The following TPPP variants were observed in gnomAD, a reference collection of about 807,000 sequenced individuals.
The protein encoded by TPPP is tubulin polymerization promoting protein, also known as tubulin polymerization-promoting protein.
In TPPP, 6 loss-of-function variants were observed where a neutral mutation model predicts 15.5. The observed-to-expected ratio is 0.39, with a 90% CI of 0.21 to 0.77. The LOEUF (loss-of-function observed/expected upper bound fraction) is 0.77. TPPP is among the 30% of genes least tolerant of loss of function. The probability of loss-of-function intolerance (pLI) is 0.42; values close to 1 mark genes in which losing one functional copy is unlikely to be tolerated. For synonymous variants in TPPP, 146 were observed against 133.9 expected (o/e 1.09, Z -0.63); for missense variants, 269 against 307.2 (o/e 0.88, Z 0.93).
At chr5:692,770 C>T in intron 1 of TPPP, 8 of 951,860 alleles carry the variant, frequency 8.4e-6, no homozygotes, top group Non-Finnish European at 8.8e-6. Context: ...GTGTCAGGAC[C>T]CTGAGATGGG....
intron 2 of TPPP, among the ~76,000 whole-genome samples, chr5:671,605 C>T (rs1204155727): frequency 6.6e-6 from 1 of 152,238 alleles, no homozygotes; most frequent in African/African-American, 2.4e-5. Flanking sequence ...CTGGGGATTG[C>T]TGGTGCTGCC....
intron 2 of TPPP, among the ~76,000 whole-genome samples, chr5:668,234 TG>T (rs1193517943): frequency 1.3e-5 from 1 of 77,604 alleles, no homozygotes; most frequent in Non-Finnish European, 2.5e-5. Context: ...GGGGGCCGTG[TG>T]GGCGCCGTCA....
chr5:674,261 G>A (rs746378459), intron 2 of TPPP, among the ~76,000 whole-genome samples: 13 of 152,160 alleles, frequency 8.5e-5, no homozygotes, highest in Admixed American at 2.0e-4. Flanking sequence ...CCACACGCCC[G>A]AGCCTGCTGA....
intron 1 of TPPP, chr5:692,777 T>G: frequency 1.1e-6 from 1 of 947,072 alleles, no homozygotes; most frequent in Non-Finnish European, 1.3e-6. Context: ...GACCCTGAGA[T>G]GGGCCGTTTC....
rs1739632497 is a variant in TPPP at position 661,971 on chromosome 5, T to C, written c.*3131A>G. The C allele has an allele frequency of 6.6e-6, 1 of 152,212 alleles. No homozygotes were observed. Among genetic ancestry groups the C allele is most frequent in the South Asian group, 2.1e-4 (1 of 4,820 alleles). 9.4% of individuals were successfully genotyped at this position (152,212 alleles called of 1,614,324 possible). On this transcript the variant is annotated 3_prime_UTR_variant, in exon 4 of 4. Coordinates refer to ENST00000360578, the MANE Select transcript of TPPP (RefSeq NM_007030.3). ...GAAGTGTGGAGGGAGAGTGGGGGCG[T>C]GGGGCCTCTCCCTCCAGGATCCCAG...
chr5:693,968 G>C (rs1740969436), upstream of TPPP, among the ~76,000 whole-genome samples: 1 of 147,314 alleles, frequency 6.8e-6, no homozygotes, highest in African/African-American at 2.5e-5. Flanking sequence ...AGGGAGACGG[G>C]TCCGTGCCGG....
chr5:697,671 C>T (rs554482801), upstream of TPPP, among the ~76,000 whole-genome samples: 69 of 152,136 alleles, frequency 4.5e-4, 2 homozygotes, highest in Admixed American at 7.9e-4. Context: ...CTGTTTTCCC[C>T]ACTGCCAGAA....
At chr5:671,167 C>A (rs954247834) in intron 2 of TPPP, among the ~76,000 whole-genome samples, 2 of 152,114 alleles carry the variant, frequency 1.3e-5, no homozygotes, top group African/African-American at 4.8e-5. Context: ...GGGATCAGCG[C>A]ACTGTCTCCC....
chr5:672,605 T>G (rs894617698), intron 2 of TPPP, among the ~76,000 whole-genome samples: 14 of 152,228 alleles, frequency 9.2e-5, no homozygotes, highest in Middle Eastern at 3.4e-3. Flanking sequence ...TTTGGTGCAG[T>G]TGGGGAGGCA....
chr5:670,896 C>A (rs1363279366), intron 2 of TPPP, among the ~76,000 whole-genome samples: 1 of 152,220 alleles, frequency 6.6e-6, no homozygotes, highest in African/African-American at 2.4e-5. Context: ...GATGTCTGGC[C>A]ACCTGAGAGG....
At chr5:694,563 G>A (rs1273682222), upstream of TPPP, among the ~76,000 whole-genome samples, 1 of 101,648 alleles carries the variant, frequency 9.8e-6, no homozygotes, top group Non-Finnish European at 2.5e-5. Context: ...CGGTGGTCCC[G>A]CGCCCCACAC....
In TPPP at chr5:661,699, G is replaced by A. The variant is rs540736774; in HGVS notation, c.*3403C>T. The A allele has an allele frequency of 6.6e-6, 1 of 152,512 alleles. No homozygotes were observed. Among genetic ancestry groups the A allele is most frequent in the South Asian group, 2.1e-4 (1 of 4,828 alleles). The allele number at this position is 152,512 out of a possible 1,614,324, so 9.4% of individuals were successfully genotyped here. On this transcript the variant is annotated 3_prime_UTR_variant, in exon 4 of 4. Transcript: ENST00000360578. ...CAAACAATGTTCTGTGTTCGGAGGC[G>A]GCACACAGATGCAATTACGGATTCC...
chr5:680,666 C>T (rs1275680082), intron 1 of TPPP, among the ~76,000 whole-genome samples: 3 of 150,750 alleles, frequency 2.0e-5, no homozygotes, highest in African/African-American at 4.9e-5. Flanking sequence ...GCAGTGCCGA[C>T]CTCAGACGCC....
the TPPP span, among the ~76,000 whole-genome samples, chr5:698,877 A>G: frequency 6.6e-6 from 1 of 152,126 alleles, no homozygotes; most frequent in African/African-American, 2.4e-5. Context: ...TACACCAATA[A>G]CAATCTGGCC....
chr5:665,398 C>G (rs1282440140), intron 3 of TPPP, 102 bp from the exon 4 acceptor site: 1 of 1,100,442 alleles, frequency 9.1e-7, no homozygotes, highest in Admixed American at 2.2e-5. Context: ...CGGTGGGGCA[C>G]TGGGCAAGGG....
intron 2 of TPPP, among the ~76,000 whole-genome samples, chr5:675,237 GCAGTGCAGGGGGTA>G (rs1222339614): frequency 1.9e-5 from 2 of 105,568 alleles, no homozygotes; most frequent in Non-Finnish European, 4.1e-5. Flanking sequence ...GGCTGGGGGT[GCAGTGCAGGGGGTA>G]CAGTGTGGCC....
intron 2 of TPPP, among the ~76,000 whole-genome samples, chr5:673,988 T>C (rs1307728990): frequency 6.6e-6 from 1 of 152,190 alleles, no homozygotes; most frequent in Non-Finnish European, 1.5e-5. Context: ...TGCGCCATAG[T>C]TTGAAAGCAA....
upstream of TPPP, chr5:693,380 C>G (rs1401409618): frequency 6.8e-6 from 1 of 146,926 alleles, no homozygotes; most frequent in African/African-American, 2.5e-5. Context: ...CCCGCCCGTC[C>G]CGCCCAGCAC....
the TPPP span, among the ~76,000 whole-genome samples, chr5:699,475 G>C: frequency 6.6e-6 from 1 of 152,126 alleles, no homozygotes; most frequent in Admixed American, 6.5e-5. Context: ...AACTCAAGAG[G>C]GATTGAAGAC....
Sources: gnomAD v4.1 joint callset for allele counts (sites outside exome capture counted in the v4.1 genomes callset) on GRCh38, gnomAD v4.1.1 for gene constraint, MANE v1.5 for transcripts, NCBI Gene and HGNC (gene_info 2026-07-23, HGNC 2026-07-21) for gene names.